Variants in CNTNAP2 observed in about 807,000 individuals in gnomAD.
The protein encoded by CNTNAP2 is contactin-associated protein-like 2.
In CNTNAP2, 98 loss-of-function variants were observed where a neutral mutation model predicts 155.2. That is an observed-to-expected ratio of 0.63 (90% CI 0.54 to 0.75). CNTNAP2 has a LOEUF of 0.75. Among genes scored for constraint, CNTNAP2 ranks in the 30% least tolerant of loss-of-function variants. The pLI is 0.00. For missense variants in CNTNAP2, 1,727 were observed against 1,688.1 expected, an observed-to-expected ratio of 1.02 and a Z score of -0.40; for synonymous variants, 651 against 631.2, an observed-to-expected ratio of 1.03 and a Z score of -0.47.
At position 147,881,625 on chromosome 7, in the gene CNTNAP2, TGCTAGAA is replaced by T. The variant is rs569342917; in HGVS notation, c.2099-21938_2099-21932del. ...GTTTGTAAGAAAATGCACCTCTCTT[TGCTAGAA>T]GAATAGAATAGTTAGAATAGGAAAA... On this transcript the variant is annotated intron_variant, in intron 13 of 23. Coordinates refer to ENST00000361727, the MANE Select transcript of CNTNAP2 (RefSeq NM_014141.6). Among the ~76,000 whole-genome samples, 558 of 152,292 alleles carry T rather than the reference TGCTAGAA, an allele frequency of 3.7e-3. 24 individuals are homozygous for T. The highest frequency in any genetic ancestry group is 0.031 in the Admixed American group (472 of 15,296).
intron 3 of CNTNAP2, among the ~76,000 whole-genome samples, chr7:147,036,561 T>A (rs1563052878): frequency 6.6e-6 from 1 of 152,214 alleles, no homozygotes; most frequent in Non-Finnish European, 1.5e-5. Flanking sequence ...ATTATAATAA[T>A]AAACCCTATT....
chr7:146,378,854 G>C lies in CNTNAP2; in HGVS notation c.97+261881G>C, dbSNP rs144810082. On this transcript the variant is annotated intron_variant, in intron 1 of 23. Transcript: ENST00000361727. ...TGGGACTACTTATACATTTGCTGAA[G>C]CAAAGTAATCATTTTAGGTCCCAAA... 3.0e-3 allele frequency among the ~76,000 whole-genome samples: 459 copies of C among 152,326 alleles called. 2 individuals carry two copies. The highest frequency in any genetic ancestry group is 0.01 in the African/African-American group (424 of 41,570).
intron 1 of CNTNAP2, among the ~76,000 whole-genome samples, chr7:146,724,949 A>G (rs761545483): frequency 4.7e-4 from 71 of 152,222 alleles, no homozygotes; most frequent in Non-Finnish European, 8.1e-4. Flanking sequence ...ACTTAAAACA[A>G]CAGAAATGTA....
At chr7:146,642,857 G>C (rs1218695325) in intron 1 of CNTNAP2, among the ~76,000 whole-genome samples, 5 of 151,874 alleles carry the variant, frequency 3.3e-5, no homozygotes, top group Non-Finnish European at 5.9e-5. Context: ...CATTCTAACT[G>C]GTGTGAGATG....
At chr7:148,056,767 A>C (rs998844014) in intron 15 of CNTNAP2, 19 of 152,118 alleles carry the variant, frequency 1.2e-4, no homozygotes, top group Admixed American at 1.1e-3. Context: ...GCCCACCCAA[A>C]AATATGCTGA....
chr7:147,769,581 GCA>G (rs1343130767), intron 13 of CNTNAP2, among the ~76,000 whole-genome samples: 13 of 152,134 alleles, frequency 8.5e-5, no homozygotes, highest in Admixed American at 8.5e-4. Flanking sequence ...TGAAGGAAGA[GCA>G]CAGAGACTAT....
intron 13 of CNTNAP2, among the ~76,000 whole-genome samples, chr7:147,702,756 C>T (rs1391696424): frequency 6.6e-6 from 1 of 152,072 alleles, no homozygotes; most frequent in African/African-American, 2.4e-5. Context: ...AACATGTGGC[C>T]TGTGTAGCCA....
chr7:146,550,409 T>TTTTTG (rs1554447398), intron 1 of CNTNAP2, among the ~76,000 whole-genome samples: 1 of 109,894 alleles, frequency 9.1e-6, no homozygotes, highest in Non-Finnish European at 2.1e-5. Flanking sequence ...CTGTTTTTTT[T>TTTTTG]TTTTTTTTTT....
chr7:147,356,778 A>T (rs1584896118), intron 9 of CNTNAP2, among the ~76,000 whole-genome samples: 1 of 152,124 alleles, frequency 6.6e-6, no homozygotes. Context: ...ATATAATGTC[A>T]TAATTCGGAT....
At chr7:146,527,491 TCATATG>T (rs1797707866) in intron 1 of CNTNAP2, among the ~76,000 whole-genome samples, 1 of 150,170 alleles carries the variant, frequency 6.7e-6, no homozygotes, top group African/African-American at 2.5e-5. Flanking sequence ...AGGCTCAATG[TCATATG>T]TCTGGAATTT....
intron 1 of CNTNAP2, among the ~76,000 whole-genome samples, chr7:146,234,428 T>C (rs1322139543): frequency 6.6e-6 from 1 of 152,154 alleles, no homozygotes; most frequent in Non-Finnish European, 1.5e-5. Context: ...TTCACTCTGA[T>C]GGTAGTTTGT....
At chr7:146,667,570 C>A (rs1157181403) in intron 1 of CNTNAP2, among the ~76,000 whole-genome samples, 1 of 151,762 alleles carries the variant, frequency 6.6e-6, no homozygotes, top group African/African-American at 2.4e-5. Flanking sequence ...GATAGTATGG[C>A]CATTTTAACA....
rs148739580 is a variant in CNTNAP2 at position 147,737,371 on chromosome 7, C to T, written c.2098+98065C>T. ...TGAACAGCAAATGTTGCTGCCTGAT[C>T]GTTCCTCTGGAAGTTTCATCTCAGA... On this transcript the variant is annotated intron_variant, in intron 13 of 23. Coordinates refer to ENST00000361727, the MANE Select transcript of CNTNAP2 (RefSeq NM_014141.6). Among the ~76,000 whole-genome samples, 681 of 152,244 alleles carry T rather than the reference C, an allele frequency of 4.5e-3. 5 individuals carry two copies. The highest frequency in any genetic ancestry group is 0.013 in the African/African-American group (526 of 41,538).
At chr7:147,669,418 TTAAAA>T (rs1563046298) in intron 13 of CNTNAP2, among the ~76,000 whole-genome samples, 1 of 152,234 alleles carries the variant, frequency 6.6e-6, no homozygotes, top group African/African-American at 2.4e-5. Context: ...ATTAATTTTC[TTAAAA>T]TAAGTCCCAA....
rs183835266 is a variant in CNTNAP2, at chr7:147,558,249, A to G, written c.1778-3889A>G. ...ATTTCTTTTGACATTATGGTTTTGCATCCCATTCCATTTTATCATATTTCC... is the reference window on the plus strand; with the variant it reads ...ATTTCTTTTGACATTATGGTTTTGCGTCCCATTCCATTTTATCATATTTCC... On this transcript the variant is annotated intron_variant, in intron 11 of 23. Transcript: ENST00000361727. Among the ~76,000 whole-genome samples the G allele has an allele frequency of 9.2e-5, 14 of 152,262 alleles. No individual in the cohort carries two copies. In the East Asian group the frequency reaches 2.7e-3, roughly 29 times the overall value.
chr7:146,184,272 G>A lies in CNTNAP2; in HGVS notation c.97+67299G>A, dbSNP rs537732302. On this transcript the variant is annotated intron_variant, in intron 1 of 23. Transcript: ENST00000361727. ...GATTAATCAATTGATAAAATGTCTT[G>A]TAGATAAACAAACAAGAATCCAAAT... 9.2e-5 allele frequency among the ~76,000 whole-genome samples: 14 copies of A among 152,236 alleles called. No homozygotes were observed. The South Asian group carries it at 1.7e-3, about 18-fold the overall frequency.
At chr7:146,167,518 C>T (rs1034744230) in intron 1 of CNTNAP2, among the ~76,000 whole-genome samples, 5 of 152,146 alleles carry the variant, frequency 3.3e-5, no homozygotes, top group Admixed American at 1.3e-4. Context: ...ATGAAGAGGA[C>T]ATAAACTCAA....
intron 20 of CNTNAP2, among the ~76,000 whole-genome samples, chr7:148,256,503 C>T (rs1796456150): frequency 6.6e-6 from 1 of 152,182 alleles, no homozygotes; most frequent in Non-Finnish European, 1.5e-5. Flanking sequence ...CAGGCCACCT[C>T]TCCTCTCTTA....
intron 12 of CNTNAP2, among the ~76,000 whole-genome samples, chr7:147,611,939 C>A (rs1438135751): frequency 1.3e-5 from 2 of 152,172 alleles, no homozygotes; most frequent in South Asian, 2.1e-4. Flanking sequence ...ACAATGACAG[C>A]CAATTTTTAA....
Sources: gnomAD v4.1 joint callset for allele counts (sites outside exome capture counted in the v4.1 genomes callset) on GRCh38, gnomAD v4.1.1 for gene constraint, MANE v1.5 for transcripts, NCBI Gene and HGNC (gene_info 2026-07-23, HGNC 2026-07-21) for gene names.